Variants in RNF214 observed in about 807,000 individuals in gnomAD.
RNF214 encodes the protein ring finger protein 214.
In RNF214, 25 loss-of-function variants were observed where a neutral mutation model predicts 75.9. The ratio of observed to expected loss-of-function variants is 0.33; its 90% CI spans 0.24 to 0.46. The LOEUF (loss-of-function observed/expected upper bound fraction) is 0.46, where lower values mean the gene tolerates loss of function less well. Among genes scored for constraint, RNF214 ranks in the 20% least tolerant of loss-of-function variants. RNF214 has a pLI of 1.00. For synonymous variants in RNF214, 314 were observed against 308.8 expected (o/e 1.02, Z -0.18); for missense variants, 725 against 857.5 (o/e 0.85, Z 1.93).
At chr11:117,254,140 T>C (rs1211719910) in intron 6 of RNF214, among the ~76,000 whole-genome samples, 1 of 152,106 alleles carries the variant, frequency 6.6e-6, no homozygotes, top group East Asian at 1.9e-4. Context: ...TCCCAACTAC[T>C]TGGGAGGCTG....
chr11:117,261,537 G>A (rs775310811), intron 6 of RNF214, among the ~76,000 whole-genome samples: 2 of 152,262 alleles, frequency 1.3e-5, no homozygotes, highest in Non-Finnish European at 1.5e-5. Flanking sequence ...CTGAGATCAC[G>A]CCACTGCACT....
chr11:117,279,051 C>A (rs2034073175), intron 6 of RNF214, among the ~76,000 whole-genome samples: 1 of 152,136 alleles, frequency 6.6e-6, no homozygotes, highest in Admixed American at 6.6e-5. Flanking sequence ...GAACCAAGGT[C>A]ATAGCACTGT....
intron 6 of RNF214, among the ~76,000 whole-genome samples, chr11:117,265,085 T>C (rs1054340929): frequency 1.3e-5 from 2 of 149,488 alleles, no homozygotes; most frequent in African/African-American, 5.0e-5. Flanking sequence ...AAAAAAAAAA[T>C]TGGTTCTCTT....
chr11:117,259,237 G>A (rs867076430), intron 6 of RNF214, among the ~76,000 whole-genome samples: 1 of 152,150 alleles, frequency 6.6e-6, no homozygotes, highest in Non-Finnish European at 1.5e-5. Context: ...GATTATAGGC[G>A]TGAGCTACCG....
chr11:117,258,696 G>C (rs2033586480), intron 6 of RNF214, among the ~76,000 whole-genome samples: 1 of 151,652 alleles, frequency 6.6e-6, no homozygotes, highest in Non-Finnish European at 1.5e-5. Context: ...GAGTAATTCA[G>C]ACCCCATCAA....
intron 1 of RNF214, among the ~76,000 whole-genome samples, chr11:117,233,932 A>G (rs1447930094): frequency 6.6e-6 from 1 of 152,190 alleles, no homozygotes; most frequent in Non-Finnish European, 1.5e-5. Context: ...ATGATAGCAG[A>G]CAAGGTAGGC....
intron 4 of RNF214, among the ~76,000 whole-genome samples, chr11:117,243,241 G>A (rs757984092): frequency 2.6e-4 from 39 of 152,196 alleles, no homozygotes; most frequent in Non-Finnish European, 5.6e-4. Flanking sequence ...CTGCCTACCA[G>A]GTTCAAGTGA....
intron 2 of RNF214, among the ~76,000 whole-genome samples, chr11:117,235,324 G>A (rs1284299313): frequency 2.0e-5 from 3 of 151,384 alleles, no homozygotes; most frequent in Non-Finnish European, 4.4e-5. Flanking sequence ...AGCCTCCCCA[G>A]TAGCTGGGAC....
At chr11:117,250,595 T>C (rs2033345624) in intron 6 of RNF214, among the ~76,000 whole-genome samples, 1 of 61,770 alleles carries the variant, frequency 1.6e-5, no homozygotes, top group Non-Finnish European at 2.6e-5. Context: ...TTATTTTTAT[T>C]TATTTATTTA....
chr11:117,235,400 G>A (rs3016581), intron 2 of RNF214, among the ~76,000 whole-genome samples: 66,821 of 151,284 alleles, frequency 0.44, 15,445 homozygotes, highest in East Asian at 0.65. Flanking sequence ...GTTTCACTGT[G>A]TTAGCCAGGA....
At chr11:117,265,440 T>A (rs1043067430) in intron 6 of RNF214, among the ~76,000 whole-genome samples, 1 of 151,762 alleles carries the variant, frequency 6.6e-6, no homozygotes, top group African/African-American at 2.4e-5. Context: ...TGAGACAGAG[T>A]TTCATTCTTG....
In RNF214 at chr11:117,246,819, A is replaced by G; in HGVS notation, c.830A>G (p.Lys277Arg). The G allele has an allele frequency of 6.3e-7, 1 of 1,594,626 alleles. No individual in the cohort carries two copies. Among genetic ancestry groups the G allele is most frequent in the Non-Finnish European group, 8.5e-7 (1 of 1,170,402 alleles). The change falls in exon 6 of 15, where the codon AAG (lysine) becomes AGG (arginine). Residue 277 changes from lysine to arginine, a missense_variant. Lys to Arg is a conservative substitution (Grantham distance 26, BLOSUM62 2). This residue lies in a region of RNF214 where 362 missense variants were observed against 344.5 expected (regional missense o/e 1.05). Coordinates refer to ENST00000300650, the MANE Select transcript of RNF214 (RefSeq NM_207343.4). ...TTGTGTGGAACTCAGGAGATATTAAAGGCTATTCAGGATGTGACAATAAAG... is the reference window on the plus strand; with the variant it reads ...TTGTGTGGAACTCAGGAGATATTAAGGGCTATTCAGGATGTGACAATAAAG... ...EEMKNHQEIL[K>R]AIQDVTIKRE...
chr11:117,249,263 A>T (rs555175980), intron 6 of RNF214, among the ~76,000 whole-genome samples: 40 of 152,078 alleles, frequency 2.6e-4, no homozygotes, highest in African/African-American at 9.6e-4. Flanking sequence ...TTTACCTTCA[A>T]CAAACTCACT....
chr11:117,238,351 G>T (rs185080480), intron 2 of RNF214, among the ~76,000 whole-genome samples: 1 of 152,186 alleles, frequency 6.6e-6, no homozygotes, highest in African/African-American at 2.4e-5. Flanking sequence ...ACTGTAGTGA[G>T]CCTTGATGGC....
chr11:117,261,005 C>T (rs2033649632), intron 6 of RNF214, among the ~76,000 whole-genome samples: 1 of 151,462 alleles, frequency 6.6e-6, no homozygotes, highest in South Asian at 2.1e-4. Context: ...ACAGTTTTAT[C>T]TTCCTTTCAA....
rs755681978 is a variant in RNF214, at chr11:117,255,246, C to G, written c.959+8298C>G. Among the ~76,000 whole-genome samples, 39 of 152,282 alleles carry G rather than the reference C, an allele frequency of 2.6e-4. 1 individual carries two copies. Among genetic ancestry groups the G allele is most frequent in the South Asian group, 2.1e-4 (1 of 4,820 alleles). On this transcript the variant is annotated intron_variant, in intron 6 of 14. Transcript: ENST00000300650. ...AAACTTCCCTCAGTTTTCTAACCAT[C>G]AGCAGAGGCATTCTTCCTTTCTTCC...
At chr11:117,254,331 A>G (rs916822716) in intron 6 of RNF214, among the ~76,000 whole-genome samples, 6 of 151,980 alleles carry the variant, frequency 3.9e-5, no homozygotes, top group African/African-American at 1.4e-4. Flanking sequence ...TAGCCCTTGA[A>G]TGTACTTGAA....
intron 5 of RNF214, among the ~76,000 whole-genome samples, chr11:117,245,043 G>T (rs1249586894): frequency 2.6e-5 from 4 of 151,860 alleles, no homozygotes; most frequent in African/African-American, 9.6e-5. Flanking sequence ...GCAAGGCGGG[G>T]TGTGGTGGCT....
chr11:117,238,847 G>A lies in RNF214; in HGVS notation c.354G>A (p.Glu118=), dbSNP rs917911531. 3.7e-6 allele frequency: 6 copies of A among 1,614,104 alleles called. No individual in the cohort carries two copies. The African/African-American group carries it at 4.0e-5, about 11-fold the overall frequency. The change falls in exon 3 of 15, where the codon GAG becomes GAA. Residue 118 remains glutamate, a synonymous_variant. Transcript: ENST00000300650. The part of the protein sequence containing the change: ...DLKDVASTAG[E]EGDTSLRESL... ...AGGATGTGGCCAGCACAGCAGGAGA[G>A]GAGGGGGACACAAGCCTTCGGGAGA...
Sources: gnomAD v4.1 joint callset for allele counts (sites outside exome capture counted in the v4.1 genomes callset) on GRCh38, gnomAD v4.1.1 for gene constraint, gnomAD v4.1.1 regional missense constraint, MANE v1.5 for transcripts, NCBI Gene and HGNC (gene_info 2026-07-23, HGNC 2026-07-21) for gene names.